BMPR2: variants seen among roughly 807,000 people sequenced by gnomAD.
The protein encoded by BMPR2 is bone morphogenetic protein receptor type-2.
A neutral mutation model predicts 100.8 loss-of-function variants in BMPR2; 29 were observed. That is an observed-to-expected ratio of 0.29 (90% CI 0.21 to 0.39). The LOEUF (loss-of-function observed/expected upper bound fraction) is 0.39. Ranked by LOEUF, BMPR2 falls within the 10% of genes least tolerant of loss-of-function variation. BMPR2 has a pLI of 1.00. For synonymous variants in BMPR2, 382 were observed against 442.3 expected, an observed-to-expected ratio of 0.86 and a Z score of 1.71; for missense variants, 1,011 against 1,274.5, an observed-to-expected ratio of 0.79 and a Z score of 3.15.
At chr2:202,446,006 C>T (rs1001909329) in intron 1 of BMPR2, among the ~76,000 whole-genome samples, 1 of 149,920 alleles carries the variant, frequency 6.7e-6, no homozygotes, top group East Asian at 2.0e-4. Flanking sequence ...GATCTCCCGA[C>T]CTCGTGATCT....
intron 3 of BMPR2, among the ~76,000 whole-genome samples, chr2:202,510,834 C>G (rs1559060321): frequency 6.6e-6 from 1 of 152,014 alleles, no homozygotes; most frequent in Non-Finnish European, 1.5e-5. Context: ...GCAAGCGCCA[C>G]CATGCCCAGC....
Position 202,530,909 on chromosome 2 carries a change from T to G in BMPR2, c.1083T>G (p.Asn361Lys). The change falls in exon 8 of 13, where the codon AAT becomes AAG. Residue 361 changes from asparagine to lysine, a missense_variant. Physicochemically the swap from Asn to Lys is moderately conservative, Grantham distance 94 (BLOSUM62 0). Coordinates refer to ENST00000374580, the MANE Select transcript of BMPR2 (RefSeq NM_001204.7). ...GACTGTCCATGAGGCTGACTGGAAA[T>G]AGACTGGTGCGCCCAGGGGAGGAAG... ...DFGLSMRLTG[N>K]RLVRPGEEDN... 2 of 1,613,992 alleles carry G rather than the reference T, an allele frequency of 1.2e-6. No homozygotes were observed. Among genetic ancestry groups the G allele is most frequent in the Non-Finnish European group, 1.7e-6 (2 of 1,179,996 alleles).
intron 1 of BMPR2, among the ~76,000 whole-genome samples, chr2:202,457,253 C>T (rs1022525740): frequency 4.6e-5 from 7 of 151,546 alleles, no homozygotes; most frequent in African/African-American, 1.7e-4. Flanking sequence ...TAATAAATAG[C>T]CTTATATGTG....
intron 7 of BMPR2, among the ~76,000 whole-genome samples, chr2:202,522,578 C>T (rs1057504596): frequency 2.6e-5 from 4 of 151,692 alleles, no homozygotes; most frequent in Non-Finnish European, 5.9e-5. Context: ...ATCTATAATC[C>T]GAACAATTTG....
intron 1 of BMPR2, among the ~76,000 whole-genome samples, chr2:202,440,778 G>C (rs1258023376): frequency 6.7e-6 from 1 of 149,346 alleles, no homozygotes; most frequent in Admixed American, 6.6e-5. Context: ...GCATCAGAGG[G>C]AGACCGGGGA....
At chr2:202,533,836 G>A (rs956931746) in intron 9 of BMPR2, among the ~76,000 whole-genome samples, 1 of 152,096 alleles carries the variant, frequency 6.6e-6, no homozygotes, top group African/African-American at 2.4e-5. Flanking sequence ...AAAAGGGAAA[G>A]AATACTCATT....
chr2:202,526,358 G>T (rs1687912323), intron 7 of BMPR2, among the ~76,000 whole-genome samples: 1 of 152,174 alleles, frequency 6.6e-6, no homozygotes. Context: ...TTAGTGAAGA[G>T]AACTTTAATA....
At chr2:202,501,624 T>C (rs1318202661) in intron 3 of BMPR2, among the ~76,000 whole-genome samples, 1 of 152,192 alleles carries the variant, frequency 6.6e-6, no homozygotes, top group African/African-American at 2.4e-5. Flanking sequence ...GTTGCAGCAG[T>C]GGCCATCTTA....
At chr2:202,380,911 GCCTGGC>G (rs57602681) in intron 1 of BMPR2, among the ~76,000 whole-genome samples, 27,394 of 140,512 alleles carry the variant, frequency 0.19, 3,828 homozygotes, top group African/African-American at 0.39. Context: ...GGGCCACTGT[GCCTGGC>G]CCTGGCCCTG....
chr2:202,440,695 C>T (rs1472069262), intron 1 of BMPR2, among the ~76,000 whole-genome samples: 1 of 150,450 alleles, frequency 6.6e-6, no homozygotes, highest in East Asian at 1.9e-4. Context: ...ACTCGGCAGG[C>T]TGAGGCAGGA....
intron 1 of BMPR2, 87 bp from the exon 2 acceptor site, chr2:202,464,722 A>T (rs1443188864): frequency 3.2e-6 from 4 of 1,251,246 alleles, no homozygotes; most frequent in Non-Finnish European, 4.4e-6. Flanking sequence ...AGGGAAATTT[A>T]TGAAGTCATT....
chr2:202,517,598 C>T (rs1687736997), intron 5 of BMPR2, among the ~76,000 whole-genome samples: 1 of 152,010 alleles, frequency 6.6e-6, no homozygotes, highest in Non-Finnish European at 1.5e-5. Context: ...GATCCACCCG[C>T]CTCAGCCTCC....
intron 1 of BMPR2, among the ~76,000 whole-genome samples, chr2:202,422,075 A>C (rs6435151): frequency 0.12 from 17,979 of 151,562 alleles, 1,164 homozygotes; most frequent in Admixed American, 0.14. Flanking sequence ...CACCCAGCTA[A>C]TTTTTGTATT....
At position 202,414,005 on chromosome 2, in the gene BMPR2, C is replaced by T. The variant is rs538508921; in HGVS notation, c.76+36455C>T. Among the ~76,000 whole-genome samples, 4 of 152,324 alleles carry T rather than the reference C, an allele frequency of 2.6e-5. No individual in the cohort carries two copies. In the South Asian group the frequency reaches 8.3e-4, roughly 32 times the overall value. ...TGTTTCATATATACATATACATACA[C>T]AGGCATACCTTGTTTATTGTGCTTC... is the stretch of plus-strand genomic sequence containing the variant. On this transcript the variant is annotated intron_variant, in intron 1 of 12. Transcript: ENST00000374580.
rs1001288698 is a variant in BMPR2 at position 202,435,257 on chromosome 2, C to T, written c.77-29552C>T. Among the ~76,000 whole-genome samples the T allele has an allele frequency of 8.2e-5, 12 of 146,176 alleles. 1 individual carries two copies. Among genetic ancestry groups the T allele is most frequent in the South Asian group, 4.2e-4 (2 of 4,748 alleles). On this transcript the variant is annotated intron_variant, in intron 1 of 12. Coordinates refer to ENST00000374580, the MANE Select transcript of BMPR2 (RefSeq NM_001204.7). ...TGGGCATCTGTAGTCCCAGCTACTCCGGAGGCTAAGGCTGGAGAATTGCTT... is the reference window on the plus strand; with the variant it reads ...TGGGCATCTGTAGTCCCAGCTACTCTGGAGGCTAAGGCTGGAGAATTGCTT...
rs192041242 is a variant in BMPR2 at position 202,408,034 on chromosome 2, C to T, written c.76+30484C>T. Reference sequence around the variant, plus strand: ...AGTTTTAGTAGAGACGGGGTTTCACCGTGTTAGCCAGGATGGTCTCGATCT... The same window carrying T: ...AGTTTTAGTAGAGACGGGGTTTCACTGTGTTAGCCAGGATGGTCTCGATCT... On this transcript the variant is annotated intron_variant, in intron 1 of 12. Coordinates refer to ENST00000374580, the MANE Select transcript of BMPR2 (RefSeq NM_001204.7). Among the ~76,000 whole-genome samples, 1,356 of 151,890 alleles carry T rather than the reference C, an allele frequency of 8.9e-3. 20 individuals are homozygous for T. The highest frequency in any genetic ancestry group is 0.032 in the African/African-American group (1,315 of 41,464).
chr2:202,541,103 A>G (rs1275560092), intron 9 of BMPR2, among the ~76,000 whole-genome samples: 1 of 152,220 alleles, frequency 6.6e-6, no homozygotes, highest in Non-Finnish European at 1.5e-5. Flanking sequence ...TAAAATAGTT[A>G]ATAATATTTA....
At chr2:202,485,032 A>G (rs13020692) in intron 3 of BMPR2, among the ~76,000 whole-genome samples, 19,000 of 150,542 alleles carry the variant, frequency 0.13, 1,280 homozygotes, top group Admixed American at 0.14. Flanking sequence ...TCACTCTTTC[A>G]CCCAGGCTTG....
At chr2:202,413,757 C>T (rs993460912) in intron 1 of BMPR2, among the ~76,000 whole-genome samples, 15 of 151,954 alleles carry the variant, frequency 9.9e-5, no homozygotes, top group South Asian at 2.1e-4. Context: ...CTCCACCTCC[C>T]GTGTTCAAAT....
Sources: gnomAD v4.1 joint callset for allele counts (sites outside exome capture counted in the v4.1 genomes callset) on GRCh38, gnomAD v4.1.1 for gene constraint, MANE v1.5 for transcripts, NCBI Gene and HGNC (gene_info 2026-07-23, HGNC 2026-07-21) for gene names.